MSANTD3: variants seen among roughly 807,000 people sequenced by gnomAD.
The protein encoded by MSANTD3 is Myb/SANT DNA binding domain containing 3.
Under a neutral mutation model 27.7 loss-of-function variants are expected in MSANTD3, and 11 were observed. The ratio of observed to expected loss-of-function variants is 0.40; its 90% confidence interval spans 0.25 to 0.66. The LOEUF (loss-of-function observed/expected upper bound fraction) is 0.66, where lower values mean the gene tolerates loss of function less well. Among genes scored for constraint, MSANTD3 ranks in the 30% least tolerant of loss-of-function variants. The probability of loss-of-function intolerance (pLI) is 0.41; values close to 1 mark genes in which losing one functional copy is unlikely to be tolerated. For missense variants in MSANTD3, 250 were observed against 336.5 expected, an observed-to-expected ratio of 0.74 and a Z score of 2.01; for synonymous variants, 131 against 127.2, an observed-to-expected ratio of 1.03 and a Z score of -0.20.
intron 2 of MSANTD3, among the ~76,000 whole-genome samples, chr9:100,445,506 T>C (rs1289440159): frequency 2.0e-5 from 3 of 152,350 alleles, no homozygotes; most frequent in African/African-American, 7.2e-5. Flanking sequence ...AACAATAATA[T>C]TTTAGATATG....
chr9:100,443,266 G>A (rs1357336019), intron 2 of MSANTD3, among the ~76,000 whole-genome samples: 3 of 152,076 alleles, frequency 2.0e-5, no homozygotes, highest in Non-Finnish European at 4.4e-5. Context: ...GGGCGTGGTG[G>A]TGCATGCCTG....
intron 1 of MSANTD3, among the ~76,000 whole-genome samples, chr9:100,439,603 G>A (rs1448888387): frequency 1.3e-5 from 2 of 151,390 alleles, no homozygotes; most frequent in African/African-American, 2.4e-5. Context: ...TCCGCCCCCC[G>A]GGGTCAAGCA....
At chr9:100,445,860 G>A (rs111741086) in intron 2 of MSANTD3, among the ~76,000 whole-genome samples, 1,906 of 152,122 alleles carry the variant, frequency 0.013, 39 homozygotes, top group African/African-American at 0.043. Flanking sequence ...ATCTGCATTC[G>A]AACACACTAG....
intron 1 of MSANTD3, among the ~76,000 whole-genome samples, chr9:100,427,835 A>ATC (rs1836279619): frequency 6.6e-6 from 1 of 151,982 alleles, no homozygotes; most frequent in Non-Finnish European, 1.5e-5. Flanking sequence ...AACGGGAGGG[A>ATC]TCCCTCACTT....
intron 1 of MSANTD3, among the ~76,000 whole-genome samples, chr9:100,428,432 C>T (rs867205184): frequency 3.9e-5 from 6 of 152,054 alleles, no homozygotes; most frequent in African/African-American, 1.2e-4. Context: ...TGTGGGAGTC[C>T]AGGGCCAGAG....
chr9:100,447,735 C>T (rs1836788041), intron 2 of MSANTD3, among the ~76,000 whole-genome samples: 3 of 152,152 alleles, frequency 2.0e-5, no homozygotes, highest in African/African-American at 7.2e-5. Flanking sequence ...ATAATAATAC[C>T]TCCCTCATAG....
intron 2 of MSANTD3, 66 bp from the exon 3 acceptor site, chr9:100,450,491 G>A (rs577961255): frequency 1.4e-6 from 2 of 1,391,486 alleles, no homozygotes; most frequent in Non-Finnish European, 1.9e-6. Flanking sequence ...TTTGAAATAG[G>A]ATTGGTTTTT....
intron 2 of MSANTD3, among the ~76,000 whole-genome samples, chr9:100,449,683 CAAGA>C (rs1472674212): frequency 1.3e-5 from 2 of 151,984 alleles, no homozygotes; most frequent in African/African-American, 2.4e-5. Context: ...AAGAGTCAGA[CAAGA>C]AAGAAAGGAA....
chr9:100,428,759 C>T (rs1442095285), intron 1 of MSANTD3, among the ~76,000 whole-genome samples: 1 of 152,174 alleles, frequency 6.6e-6, no homozygotes, highest in Non-Finnish European at 1.5e-5. Flanking sequence ...TGCTTGCCAG[C>T]CCTAATGGTT....
chr9:100,431,461 G>C (rs1386340941), intron 1 of MSANTD3, among the ~76,000 whole-genome samples: 1 of 151,590 alleles, frequency 6.6e-6, no homozygotes, highest in African/African-American at 2.4e-5. Flanking sequence ...GCTCATGCCT[G>C]GCTAATTTTT....
intron 1 of MSANTD3, among the ~76,000 whole-genome samples, chr9:100,437,464 T>C (rs1264340926): frequency 6.6e-6 from 1 of 152,166 alleles, no homozygotes; most frequent in Non-Finnish European, 1.5e-5. Context: ...GAGCCACAGT[T>C]TTCTTATCTG....
chr9:100,448,767 T>C, intron 2 of MSANTD3: 1 of 985,362 alleles, frequency 1.0e-6, no homozygotes. Flanking sequence ...GAGCTGTCTT[T>C]GAGGCCAGAG....
intron 2 of MSANTD3, among the ~76,000 whole-genome samples, chr9:100,445,831 C>T (rs974294184): frequency 2.6e-5 from 4 of 152,184 alleles, no homozygotes; most frequent in Admixed American, 2.0e-4. Flanking sequence ...GCTTTGTCAA[C>T]AACTTTCTGA....
At chr9:100,428,831 A>G (rs1836300024) in intron 1 of MSANTD3, among the ~76,000 whole-genome samples, 2 of 152,318 alleles carry the variant, frequency 1.3e-5, no homozygotes, top group South Asian at 2.1e-4. Context: ...TTTCAACACC[A>G]TTCACTGGGT....
chr9:100,444,487 C>T (rs1836706178), intron 2 of MSANTD3: 1 of 152,532 alleles, frequency 6.6e-6, no homozygotes, highest in South Asian at 2.1e-4. Context: ...CTGTTCCTCT[C>T]CATCTTGCTG....
intron 1 of MSANTD3, among the ~76,000 whole-genome samples, chr9:100,437,938 CAAGTT>C (rs1003833827): frequency 7.9e-4 from 120 of 152,256 alleles, no homozygotes; most frequent in African/African-American, 2.6e-3. Flanking sequence ...GGGCTCAATA[CAAGTT>C]ATCTGCTATT....
chr9:100,430,321 T>G, intron 1 of MSANTD3, among the ~76,000 whole-genome samples: 1 of 130,606 alleles, frequency 7.7e-6, no homozygotes, highest in African/African-American at 3.1e-5. Context: ...TGAGACTCTG[T>G]GTCAAAAAAA....
intron 2 of MSANTD3, among the ~76,000 whole-genome samples, chr9:100,443,397 C>G (rs1183550659): frequency 7.2e-6 from 1 of 138,954 alleles, no homozygotes. Context: ...AAAACTCCAT[C>G]TCAAAAAAAA....
chr9:100,449,047 G>A (rs1421995535), intron 2 of MSANTD3: 7 of 985,308 alleles, frequency 7.1e-6, no homozygotes, highest in Non-Finnish European at 8.4e-6. Flanking sequence ...GAATAACGGA[G>A]TGGACGTAAT....
Sources: gnomAD v4.1 joint callset for allele counts (sites outside exome capture counted in the v4.1 genomes callset) on GRCh38, gnomAD v4.1.1 for gene constraint, MANE v1.5 for transcripts, NCBI Gene and HGNC (gene_info 2026-07-23, HGNC 2026-07-21) for gene names.